Variants in VWC2L observed in about 807,000 individuals in gnomAD.
VWC2L encodes the protein von Willebrand factor C domain-containing protein 2-like.
In VWC2L, 10 loss-of-function variants were observed where a neutral mutation model predicts 21.6. That is an observed-to-expected ratio of 0.46 (90% CI 0.29 to 0.78). The LOEUF (loss-of-function observed/expected upper bound fraction) is 0.78, where lower values mean the gene tolerates loss of function less well. Ranked by LOEUF, VWC2L falls within the 30% of genes least tolerant of loss-of-function variation. The pLI is 0.10. For missense variants in VWC2L, 209 were observed against 277.1 expected (o/e 0.75, Z 1.74); for synonymous variants, 96 against 94.3 (o/e 1.02, Z -0.10).
chr2:214,514,169 T>C (rs1193349100), intron 3 of VWC2L, among the ~76,000 whole-genome samples: 1 of 149,850 alleles, frequency 6.7e-6, no homozygotes, highest in African/African-American at 2.5e-5. Flanking sequence ...TTTTTTTTTT[T>C]CTGTAATCAT....
intron 3 of VWC2L, among the ~76,000 whole-genome samples, chr2:214,451,169 G>A (rs966435069): frequency 5.9e-5 from 9 of 151,894 alleles, no homozygotes; most frequent in African/African-American, 2.2e-4. Flanking sequence ...TTTGGGACTG[G>A]GACCCGCATT....
At chr2:214,458,542 TCTA>T (rs1309295260) in intron 3 of VWC2L, among the ~76,000 whole-genome samples, 2 of 152,130 alleles carry the variant, frequency 1.3e-5, no homozygotes, top group African/African-American at 4.8e-5. Flanking sequence ...TTAAAATCTT[TCTA>T]CTTTTCGGAT....
At chr2:214,459,751 T>C (rs1308492536) in intron 3 of VWC2L, among the ~76,000 whole-genome samples, 1 of 151,840 alleles carries the variant, frequency 6.6e-6, no homozygotes, top group Non-Finnish European at 1.5e-5. Context: ...TCATTGCTAG[T>C]TTTTTTTCCT....
At chr2:214,514,207 G>A (rs1342054734) in intron 3 of VWC2L, among the ~76,000 whole-genome samples, 1 of 150,648 alleles carries the variant, frequency 6.6e-6, no homozygotes, top group Non-Finnish European at 1.5e-5. Context: ...TTTTCCCTGT[G>A]TAGTCTCCCA....
At chr2:214,498,802 T>A (rs966427501) in intron 3 of VWC2L, among the ~76,000 whole-genome samples, 1 of 150,506 alleles carries the variant, frequency 6.6e-6, no homozygotes, top group Non-Finnish European at 1.5e-5. Context: ...TACATATAAA[T>A]CTACCACTGG....
chr2:214,489,676 G>A (rs1226764954), intron 3 of VWC2L, among the ~76,000 whole-genome samples: 1 of 152,158 alleles, frequency 6.6e-6, no homozygotes, highest in African/African-American at 2.4e-5. Context: ...AATTTGAGGT[G>A]ACTGTGAGAC....
At chr2:214,490,288 T>A (rs1253148745) in intron 3 of VWC2L, among the ~76,000 whole-genome samples, 1 of 152,102 alleles carries the variant, frequency 6.6e-6, no homozygotes, top group Non-Finnish European at 1.5e-5. Flanking sequence ...TAGCCCCAAG[T>A]GCTTTAGGAA....
At chr2:214,452,955 TTATA>T in intron 3 of VWC2L, among the ~76,000 whole-genome samples, 1 of 152,310 alleles carries the variant, frequency 6.6e-6, no homozygotes, top group African/African-American at 2.4e-5. Flanking sequence ...GAAGAATTCT[TTATA>T]TATTCTGTAG....
intron 3 of VWC2L, among the ~76,000 whole-genome samples, chr2:214,464,946 G>A (rs1703193511): frequency 6.6e-6 from 1 of 152,086 alleles, no homozygotes; most frequent in Non-Finnish European, 1.5e-5. Context: ...TTACTGTCTG[G>A]CTACTGTCAA....
At chr2:214,521,532 A>C (rs1689240815) in intron 3 of VWC2L, among the ~76,000 whole-genome samples, 1 of 152,216 alleles carries the variant, frequency 6.6e-6, no homozygotes, top group African/African-American at 2.4e-5. Context: ...AAAGCAATAA[A>C]AGTCATCTTA....
chr2:214,501,317 T>C (rs1688887162), intron 3 of VWC2L, among the ~76,000 whole-genome samples: 1 of 152,108 alleles, frequency 6.6e-6, no homozygotes, highest in Non-Finnish European at 1.5e-5. Context: ...AGGAAGGAAG[T>C]GTTCTCTCCA....
intron 3 of VWC2L, among the ~76,000 whole-genome samples, chr2:214,458,577 T>C (rs1028132921): frequency 6.6e-6 from 1 of 152,136 alleles, no homozygotes; most frequent in African/African-American, 2.4e-5. Flanking sequence ...TTGCTATAAA[T>C]GACCCTCTTA....
chr2:214,427,676 C>T (rs567114835), intron 2 of VWC2L, among the ~76,000 whole-genome samples: 58 of 152,194 alleles, frequency 3.8e-4, no homozygotes, highest in African/African-American at 1.3e-3. Context: ...CTCTCCAATA[C>T]CAAAATCTGC....
intron 3 of VWC2L, among the ~76,000 whole-genome samples, chr2:214,501,345 G>A (rs1688887493): frequency 1.3e-5 from 2 of 152,214 alleles, no homozygotes; most frequent in South Asian, 2.1e-4. Context: ...TGGAGTCTGT[G>A]ATACTAGTGG....
intron 3 of VWC2L, among the ~76,000 whole-genome samples, chr2:214,542,307 G>T (rs964002925): frequency 2.6e-5 from 4 of 152,176 alleles, no homozygotes; most frequent in Admixed American, 6.6e-5. Context: ...CACCAGGATC[G>T]CATTCCCTCT....
chr2:214,500,014 A>G (rs940646290), intron 3 of VWC2L, among the ~76,000 whole-genome samples: 1 of 152,226 alleles, frequency 6.6e-6, no homozygotes, highest in Admixed American at 6.5e-5. Flanking sequence ...TAGAAACCCC[A>G]GCGAAGGAAG....
At chr2:214,468,757 G>A (rs1703261968) in intron 3 of VWC2L, among the ~76,000 whole-genome samples, 1 of 152,136 alleles carries the variant, frequency 6.6e-6, no homozygotes, top group Non-Finnish European at 1.5e-5. Flanking sequence ...AAGACTCAGA[G>A]GAGATGGATC....
chr2:214,543,130 T>G (rs1020506431), intron 3 of VWC2L, among the ~76,000 whole-genome samples: 3 of 152,192 alleles, frequency 2.0e-5, no homozygotes, highest in African/African-American at 7.2e-5. Flanking sequence ...TAGGTCAATA[T>G]GAAAAGTTGA....
intron 3 of VWC2L, among the ~76,000 whole-genome samples, chr2:214,498,405 C>T (rs946276215): frequency 6.6e-6 from 1 of 152,090 alleles, no homozygotes; most frequent in Non-Finnish European, 1.5e-5. Flanking sequence ...CAATGACCCC[C>T]ATTTCCAGAA....
Sources: gnomAD v4.1 joint callset for allele counts (sites outside exome capture counted in the v4.1 genomes callset) on GRCh38, gnomAD v4.1.1 for gene constraint, MANE v1.5 for transcripts, NCBI Gene and HGNC (gene_info 2026-07-23, HGNC 2026-07-21) for gene names.